CFAP58: variants seen among roughly 807,000 people sequenced by gnomAD.
CFAP58 encodes cilia- and flagella-associated protein 58.
CFAP58 carries 88 observed loss-of-function variants against 119.5 expected under a neutral mutation model. The observed-to-expected ratio is 0.74, with a 90% confidence interval of 0.62 to 0.88. The LOEUF (loss-of-function observed/expected upper bound fraction) is 0.88. Ranked by LOEUF, CFAP58 falls within the 40% of genes least tolerant of loss-of-function variation. The probability of loss-of-function intolerance (pLI) is 0.00; values close to 1 mark genes in which losing one functional copy is unlikely to be tolerated. For synonymous variants in CFAP58, 365 were observed against 366.3 expected (o/e 1.00, Z 0.04); for missense variants, 990 against 1,021.2 (o/e 0.97, Z 0.42).
chr10:104,402,404 T>G (rs2012281668), intron 13 of CFAP58, among the ~76,000 whole-genome samples: 1 of 152,232 alleles, frequency 6.6e-6, no homozygotes, highest in South Asian at 2.1e-4. Context: ...ATGGTTTGTC[T>G]TGCTAATGAG....
At chr10:104,391,460 T>G (rs183034845) in intron 9 of CFAP58, among the ~76,000 whole-genome samples, 1 of 152,340 alleles carries the variant, frequency 6.6e-6, no homozygotes, top group Non-Finnish European at 1.5e-5. Context: ...TTCCTTGATT[T>G]AATCAGATTT....
intron 1 of CFAP58, among the ~76,000 whole-genome samples, chr10:104,357,783 G>A (rs868856074): frequency 2.0e-5 from 3 of 148,076 alleles, no homozygotes; most frequent in Middle Eastern, 3.7e-3. Flanking sequence ...ATATATGTGT[G>A]TTTATATACA....
chr10:104,374,453 GAAAAAAAAAA>G (rs71022730), intron 7 of CFAP58, among the ~76,000 whole-genome samples: 2 of 30,696 alleles, frequency 6.5e-5, no homozygotes, highest in Admixed American at 4.6e-4. Flanking sequence ...CTTGTTTCAG[GAAAAAAAAAA>G]AAAAAAAAAA....
At chr10:104,401,758 CT>C (rs905060949) in intron 13 of CFAP58, among the ~76,000 whole-genome samples, 173 of 141,486 alleles carry the variant, frequency 1.2e-3, no homozygotes, top group African/African-American at 3.6e-3. Context: ...AATACTTTTT[CT>C]TTTTTTTTTT....
At position 104,416,256 on chromosome 10, in the gene CFAP58, A is replaced by T. The variant is rs574389226; in HGVS notation, c.2256+9463A>T. Among the ~76,000 whole-genome samples the T allele has an allele frequency of 3.9e-5, 6 of 152,316 alleles. No individual in the cohort carries two copies. The South Asian group carries it at 1.0e-3, about 26-fold the overall frequency. On this transcript the variant is annotated intron_variant, in intron 15 of 17. Transcript: ENST00000369704. Reference sequence around the variant, plus strand: ...CTACCTAATGAACAGTGACACGGAAATGGTTCAGGTGAGAAAACTGCCTTG... The same window carrying T: ...CTACCTAATGAACAGTGACACGGAATTGGTTCAGGTGAGAAAACTGCCTTG...
intron 9 of CFAP58, among the ~76,000 whole-genome samples, chr10:104,382,645 A>G (rs1446487570): frequency 6.6e-6 from 1 of 152,192 alleles, no homozygotes; most frequent in African/African-American, 2.4e-5. Flanking sequence ...TGATTGGATC[A>G]TGGAGGAGTT....
rs149980965 is a variant in CFAP58, at chr10:104,447,550, A to G, written c.2257-148A>G. On this transcript the variant is annotated intron_variant, in intron 15 of 17. Coordinates refer to ENST00000369704, the MANE Select transcript of CFAP58 (RefSeq NM_001008723.2). ...TTCATAAGGATTGTTTCAATGCATG[A>G]CTGAATGAATCTGTGAGTGAATGTG... is the stretch of plus-strand genomic sequence containing the variant. 523 of 957,062 alleles carry G rather than the reference A, an allele frequency of 5.5e-4. 2 individuals carry two copies. In the African/African-American group the frequency reaches 7.9e-3, roughly 14 times the overall value. The allele number at this position is 957,062 out of a possible 1,614,324, so 59.3% of individuals were successfully genotyped here.
intron 7 of CFAP58, among the ~76,000 whole-genome samples, chr10:104,373,348 T>C (rs1320351665): frequency 6.6e-6 from 1 of 152,136 alleles, no homozygotes; most frequent in Non-Finnish European, 1.5e-5. Flanking sequence ...TTTCAGTGAG[T>C]TGGGACCTGG....
intron 15 of CFAP58, among the ~76,000 whole-genome samples, chr10:104,423,116 C>G (rs917740302): frequency 6.6e-6 from 1 of 151,672 alleles, no homozygotes; most frequent in East Asian, 1.9e-4. Flanking sequence ...ATTTTTTATT[C>G]CCTTTATTTA....
At chr10:104,388,781 C>A (rs2011976466) in intron 9 of CFAP58, among the ~76,000 whole-genome samples, 1 of 152,156 alleles carries the variant, frequency 6.6e-6, no homozygotes, top group South Asian at 2.1e-4. Context: ...TTATTGATTT[C>A]TATCTCACTC....
At chr10:104,343,459 T>G in the CFAP58 span, among the ~76,000 whole-genome samples, 1 of 152,230 alleles carries the variant, frequency 6.6e-6, no homozygotes, top group Admixed American at 6.5e-5. Flanking sequence ...ACCTACCAAC[T>G]CATTTAATCC....
At chr10:104,376,673 A>G in intron 7 of CFAP58, 138 bp from the exon 8 acceptor site, 1 of 599,004 alleles carries the variant, frequency 1.7e-6, no homozygotes, top group South Asian at 2.1e-5. Context: ...GTTATACCAA[A>G]GGTCACATAC....
the CFAP58 span, among the ~76,000 whole-genome samples, chr10:104,339,033 C>T: frequency 6.6e-6 from 1 of 152,058 alleles, no homozygotes; most frequent in Non-Finnish European, 1.5e-5. Flanking sequence ...CTCAGCCTCC[C>T]GAGTAGCTGG....
At position 104,455,049 on chromosome 10, in the gene CFAP58, A is replaced by T. The variant is rs1425456578; in HGVS notation, c.*519A>T. On this transcript the variant is annotated 3_prime_UTR_variant, in exon 18 of 18. Transcript: ENST00000369704. ...CGGAATGGGAAAATCTATTCCAAAG[A>T]GACACACTAATAAATACTTCATTAT... is the stretch of plus-strand genomic sequence containing the variant. The T allele has an allele frequency of 6.6e-6, 1 of 152,270 alleles. No individual in the cohort carries two copies. The highest frequency in any genetic ancestry group is 1.9e-4 in the East Asian group (1 of 5,198). The allele number at this position is 152,270 out of a possible 1,614,324, so 9.4% of individuals were successfully genotyped here.
At chr10:104,341,630 G>A in the CFAP58 span, among the ~76,000 whole-genome samples, 1 of 151,238 alleles carries the variant, frequency 6.6e-6, no homozygotes, top group South Asian at 2.1e-4. Flanking sequence ...CATTGAAAAG[G>A]GGAAAGAAAA....
intron 15 of CFAP58, among the ~76,000 whole-genome samples, chr10:104,435,401 G>C (rs1342248572): frequency 6.6e-6 from 1 of 152,170 alleles, no homozygotes; most frequent in Non-Finnish European, 1.5e-5. Flanking sequence ...AGAATCTCTT[G>C]AACCCGGGAG....
At position 104,357,894 on chromosome 10, in the gene CFAP58, TATATGTACACATATAC is replaced by T. The variant is rs1564875823; in HGVS notation, c.10-445_10-430del. On this transcript the variant is annotated intron_variant, in intron 1 of 17. Coordinates refer to ENST00000369704, the MANE Select transcript of CFAP58 (RefSeq NM_001008723.2). ...ACATATATGTACACATATATAAACA[TATATGTACACATATAC>T]ACACATATATGTACACATATACACA... Among the ~76,000 whole-genome samples the T allele has an allele frequency of 1.2e-3, 141 of 118,316 alleles. 8 individuals are homozygous for T. The highest frequency in any genetic ancestry group is 5.3e-3 in the African/African-American group (127 of 24,076). The allele number at this position is 118,316 out of a possible 152,430, so 77.6% of individuals were successfully genotyped here.
intron 7 of CFAP58, among the ~76,000 whole-genome samples, chr10:104,374,357 C>G (rs1278462150): frequency 6.7e-6 from 1 of 149,502 alleles, no homozygotes; most frequent in African/African-American, 2.5e-5. Context: ...CGCCTGTAGT[C>G]CCAACTACTC....
the CFAP58 span, among the ~76,000 whole-genome samples, chr10:104,338,635 G>A: frequency 6.6e-6 from 1 of 152,162 alleles, no homozygotes; most frequent in East Asian, 1.9e-4. Flanking sequence ...GGCAGAACTG[G>A]AGAGTGACTG....
Sources: allele counts gnomAD v4.1 joint callset (sites outside exome capture counted in the v4.1 genomes callset), GRCh38; gene constraint gnomAD v4.1.1; transcripts MANE v1.5; gene names NCBI Gene and HGNC (gene_info 2026-07-23, HGNC 2026-07-21).